CCSER1: variants seen among roughly 807,000 people sequenced by gnomAD.
The protein encoded by CCSER1 is serine-rich coiled-coil domain-containing protein 1.
In CCSER1, 41 loss-of-function variants were observed where a neutral mutation model predicts 82.0. The ratio of observed to expected loss-of-function variants is 0.50; its 90% CI spans 0.39 to 0.65. CCSER1 has a LOEUF of 0.65. Ranked by LOEUF, CCSER1 falls within the 30% of genes least tolerant of loss-of-function variation. CCSER1 has a pLI of 0.00. For synonymous variants in CCSER1, 414 were observed against 383.9 expected (o/e 1.08, Z -0.92); for missense variants, 1,119 against 1,064.2 (o/e 1.05, Z -0.72).
At chr4:90,188,551 TTACA>T (rs1735041663) in intron 1 of CCSER1, among the ~76,000 whole-genome samples, 1 of 151,904 alleles carries the variant, frequency 6.6e-6, no homozygotes, top group South Asian at 2.1e-4. Flanking sequence ...ATACTAAGTC[TTACA>T]TACTAAGTTT....
chr4:90,747,083 G>A (rs774872557), intron 7 of CCSER1, among the ~76,000 whole-genome samples: 6 of 152,068 alleles, frequency 3.9e-5, no homozygotes, highest in Non-Finnish European at 8.8e-5. Context: ...AAGAGAAAAG[G>A]AGGGTAAGGG....
intron 3 of CCSER1, among the ~76,000 whole-genome samples, chr4:90,372,744 C>T (rs929191472): frequency 6.6e-6 from 1 of 151,064 alleles, no homozygotes; most frequent in South Asian, 2.1e-4. Context: ...AATGAAAACC[C>T]ATCTGAAAAA....
chr4:90,186,979 T>C (rs1196706836), intron 1 of CCSER1, among the ~76,000 whole-genome samples: 1 of 152,004 alleles, frequency 6.6e-6, no homozygotes, highest in African/African-American at 2.4e-5. Context: ...GATAATCTGA[T>C]AAATTAATAT....
Position 91,105,700 on chromosome 4 carries a change from T to A in CCSER1, c.2217+19706T>A, listed in dbSNP as rs547947339. Among the ~76,000 whole-genome samples, 5 of 152,082 alleles carry A rather than the reference T, an allele frequency of 3.3e-5. No homozygotes were observed. In the South Asian group the frequency reaches 1.0e-3, roughly 32 times the overall value. On this transcript the variant is annotated intron_variant, in intron 10 of 10. Coordinates refer to ENST00000509176, the MANE Select transcript of CCSER1 (RefSeq NM_001145065.2). ...GCCTGGGTGACAGAGTGAGAATCCA[T>A]CTCAAAAAAATAAATAAAAATAACA...
chr4:91,570,359 T>C, intron 10 of CCSER1, among the ~76,000 whole-genome samples: 1 of 152,194 alleles, frequency 6.6e-6, no homozygotes, highest in Admixed American at 6.5e-5. Flanking sequence ...GGGGACTCTA[T>C]GTGGGGGCTC....
chr4:90,158,294 T>C (rs1728703354), intron 1 of CCSER1, among the ~76,000 whole-genome samples: 1 of 151,864 alleles, frequency 6.6e-6, no homozygotes, highest in South Asian at 2.1e-4. Context: ...TACTGGGGGG[T>C]GCCTCCCAGT....
At chr4:91,478,588 A>G (rs1757720850) in intron 10 of CCSER1, among the ~76,000 whole-genome samples, 1 of 151,948 alleles carries the variant, frequency 6.6e-6, no homozygotes, top group Non-Finnish European at 1.5e-5. Context: ...AAAATGCCAA[A>G]GCTAGACATC....
chr4:91,411,651 AT>A (rs903663832), intron 10 of CCSER1, among the ~76,000 whole-genome samples: 2 of 148,568 alleles, frequency 1.3e-5, no homozygotes, highest in African/African-American at 5.0e-5. Flanking sequence ...CATAATTATG[AT>A]TTTTTCTCTC....
At chr4:90,139,488 C>G (rs193164084) in intron 1 of CCSER1, among the ~76,000 whole-genome samples, 207 of 152,190 alleles carry the variant, frequency 1.4e-3, no homozygotes, top group Non-Finnish European at 2.6e-3. Flanking sequence ...TCATATGTTC[C>G]TGTTTCCTGT....
chr4:91,353,048 G>A (rs1020051988), intron 10 of CCSER1, among the ~76,000 whole-genome samples: 4 of 152,180 alleles, frequency 2.6e-5, no homozygotes, highest in Non-Finnish European at 4.4e-5. Flanking sequence ...AGAAGGAATC[G>A]ATGTGAAAAC....
At chr4:90,353,387 T>C (rs904044261) in intron 3 of CCSER1, among the ~76,000 whole-genome samples, 3 of 152,214 alleles carry the variant, frequency 2.0e-5, no homozygotes, top group Admixed American at 6.5e-5. Flanking sequence ...CTTTGTCAGA[T>C]TGAACATTAA....
chr4:91,145,026 C>G (rs558821874), intron 10 of CCSER1, among the ~76,000 whole-genome samples: 52 of 151,956 alleles, frequency 3.4e-4, no homozygotes, highest in Non-Finnish European at 6.6e-4. Context: ...AGTTTTCTGC[C>G]TTGATGATCT....
chr4:90,599,754 C>T (rs907201664), intron 5 of CCSER1, among the ~76,000 whole-genome samples: 2 of 152,250 alleles, frequency 1.3e-5, no homozygotes, highest in South Asian at 4.1e-4. Flanking sequence ...AATGCAGCTG[C>T]TTATTCATTA....
At chr4:91,017,378 A>C (rs996412923) in intron 9 of CCSER1, 1 of 152,166 alleles carries the variant, frequency 6.6e-6, no homozygotes, top group African/African-American at 2.4e-5. Context: ...CTGTTAATTG[A>C]AAATTGAATT....
chr4:91,493,153 T>C (rs1758638477), intron 10 of CCSER1, among the ~76,000 whole-genome samples: 1 of 151,110 alleles, frequency 6.6e-6, no homozygotes, highest in Non-Finnish European at 1.5e-5. Flanking sequence ...ATGTGAGTCT[T>C]ATTTGAGTCA....
rs538427091 is a variant in CCSER1, at chr4:90,762,700, C to T, written c.2010+38709C>T. On this transcript the variant is annotated intron_variant, in intron 7 of 10. Coordinates refer to ENST00000509176, the MANE Select transcript of CCSER1 (RefSeq NM_001145065.2). The stretch of plus-strand genomic sequence containing the variant: ...GTTATTTCACACAAAAATAACCATA[C>T]CAATTTTTGTTTGATATGAAAAAAT... 2.5e-3 allele frequency among the ~76,000 whole-genome samples: 375 copies of T among 152,194 alleles called. 21 individuals are homozygous for T. The South Asian group carries it at 0.076, about 31-fold the overall frequency.
chr4:90,932,980 A>AAGAAAGAAAGAAAGAGAGAGAGAG (rs1730218042), intron 9 of CCSER1, among the ~76,000 whole-genome samples: 1 of 21,940 alleles, frequency 4.6e-5, no homozygotes, highest in Non-Finnish European at 8.5e-5. Context: ...GAAAGAAAGA[A>AAGAAAGAAAGAAAGAGAGAGAGAG]AGAGAAAGAA....
rs191474524 is a variant in CCSER1, at chr4:91,019,870, T to C, written c.2173-66080T>C. ...TAAGTAAATCTTTGTCATCACACAT[T>C]GCTATTTCTTTTTAGACTTGCTCTT... is the stretch of plus-strand genomic sequence containing the variant. On this transcript the variant is annotated intron_variant, in intron 9 of 10. Coordinates refer to ENST00000509176, the MANE Select transcript of CCSER1 (RefSeq NM_001145065.2). Among the ~76,000 whole-genome samples the C allele has an allele frequency of 1.9e-3, 295 of 152,346 alleles. 1 individual carries two copies. The highest frequency in any genetic ancestry group is 6.7e-3 in the African/African-American group (279 of 41,576).
At chr4:90,822,558 C>T (rs1340146067) in intron 8 of CCSER1, among the ~76,000 whole-genome samples, 1 of 151,988 alleles carries the variant, frequency 6.6e-6, no homozygotes, top group Non-Finnish European at 1.5e-5. Context: ...GAAACCTCAT[C>T]TCTACTAAAA....
Sources: allele counts gnomAD v4.1 joint callset (sites outside exome capture counted in the v4.1 genomes callset), GRCh38; gene constraint gnomAD v4.1.1; transcripts MANE v1.5; gene names NCBI Gene and HGNC (gene_info 2026-07-23, HGNC 2026-07-21).